The following GREB1L variants were observed in gnomAD, a reference collection of about 807,000 sequenced individuals.
The protein encoded by GREB1L is GREB1 like retinoic acid receptor coactivator.
GREB1L carries 17 observed loss-of-function variants against 200.8 expected under a neutral mutation model. That is an observed-to-expected ratio of 0.08 (90% CI 0.06 to 0.13). The LOEUF (loss-of-function observed/expected upper bound fraction) is 0.13, where lower values mean the gene tolerates loss of function less well. GREB1L is among the 10% of genes least tolerant of loss of function. The pLI, the probability that GREB1L is intolerant of heterozygous loss-of-function variation, is 1.00. For synonymous variants in GREB1L, 789 were observed against 893.0 expected, an observed-to-expected ratio of 0.88 and a Z score of 2.08; for missense variants, 1,657 against 2,367.7, an observed-to-expected ratio of 0.70 and a Z score of 6.23.
rs1415277701 is a variant in GREB1L at position 21,485,701 on chromosome 18, C to T, written c.2638C>T (p.Leu880Phe). 1 of 1,551,568 alleles carries T rather than the reference C, an allele frequency of 6.4e-7. No homozygotes were observed. Among genetic ancestry groups the T allele is most frequent in the Non-Finnish European group, 8.7e-7 (1 of 1,146,896 alleles). The change falls in exon 18 of 33, where the codon CTT becomes TTT. Residue 880 changes from leucine (L) to phenylalanine (F), a missense_variant. Around this residue, in one of 9 missense-constraint regions of GREB1L, gnomAD observed 82 missense variants for 95.9 expected, o/e 0.85. Transcript: ENST00000424526. Reference protein sequence around the residue: ...KSLQWGITSPLLRCDETFEKM... With the variant: ...KSLQWGITSPFLRCDETFEKM... ...TCTGCAGTGGGGGATCACGAGCCCA[C>T]TTCTGAGATGTGACGAGACTTTTGA...
Position 21,503,928 on chromosome 18 carries a change from G to A in GREB1L, c.4073-1484G>A, listed in dbSNP as rs76187999. Among the ~76,000 whole-genome samples, 604 of 151,316 alleles carry A rather than the reference G, an allele frequency of 4.0e-3. 16 individuals carry two copies. The East Asian group carries it at 0.096, about 24-fold the overall frequency. On this transcript the variant is annotated intron_variant, in intron 23 of 32. Transcript: ENST00000424526. ...CCAGCTGTGTGCCTGCAACTGTCTA[G>A]GCACTTTATTTTATTTATTTATTTA...
chr18:21,421,735 AG>A (rs1022204269), intron 7 of GREB1L, among the ~76,000 whole-genome samples: 5 of 152,190 alleles, frequency 3.3e-5, no homozygotes, highest in African/African-American at 1.2e-4. Context: ...ACAGACTGTA[AG>A]GAGGGTTAAT....
At chr18:21,400,286 C>A (rs1324238070) in intron 5 of GREB1L, among the ~76,000 whole-genome samples, 1 of 151,930 alleles carries the variant, frequency 6.6e-6, no homozygotes, top group Non-Finnish European at 1.5e-5. Flanking sequence ...CTGTTCCAAC[C>A]AGGTCACCAA....
At chr18:21,500,329 C>T (rs1056226638) in intron 22 of GREB1L, 23 bp downstream of exon 22, 12 of 1,029,678 alleles carry the variant, frequency 1.2e-5, no homozygotes, top group African/African-American at 4.7e-5. Flanking sequence ...CAGCCGGGGC[C>T]GTTTCTTAGG....
At chr18:21,246,256 A>G (rs754582535) in intron 1 of GREB1L, among the ~76,000 whole-genome samples, 10 of 152,152 alleles carry the variant, frequency 6.6e-5, no homozygotes, top group Non-Finnish European at 1.5e-4. Context: ...GGTTATATTA[A>G]TAGTTCTTTA....
chr18:21,328,978 A>G (rs2039066016), intron 1 of GREB1L, among the ~76,000 whole-genome samples: 1 of 152,166 alleles, frequency 6.6e-6, no homozygotes, highest in Admixed American at 6.5e-5. Flanking sequence ...GGATCCAGTC[A>G]GCATATGTCT....
chr18:21,385,553 A>C (rs2144107086), intron 4 of GREB1L, among the ~76,000 whole-genome samples: 1 of 152,262 alleles, frequency 6.6e-6, no homozygotes, highest in South Asian at 2.1e-4. Flanking sequence ...ATTCCTTATG[A>C]ATTTGTTTAT....
rs1462784198 is a variant in GREB1L, at chr18:21,499,981, G to A, written c.3644G>A (p.Gly1215Glu). 1.3e-6 allele frequency: 2 copies of A among 1,551,402 alleles called. No individual in the cohort carries two copies. The highest frequency in any genetic ancestry group is 2.4e-5 in the East Asian group (1 of 40,910). The change falls in exon 22 of 33, where the codon GGA becomes GAA. Residue 1215 changes from glycine to glutamate, a missense_variant. By Grantham distance (98) the Gly-to-Glu change is moderately conservative. This residue lies in a region of GREB1L where 512 missense variants were observed against 668.3 expected (regional missense o/e 0.77). Transcript: ENST00000424526. ...GGACCCAGGACCCTCCCATGGCCGGGACAGCCCATCAGAGGCTGCCGGGGC... is the reference window on the plus strand; with the variant it reads ...GGACCCAGGACCCTCCCATGGCCGGAACAGCCCATCAGAGGCTGCCGGGGC... ...SSGPRTLPWP[G>E]QPIRGCRGPQ...
chr18:21,354,467 G>A (rs1305228682), intron 1 of GREB1L, among the ~76,000 whole-genome samples: 3 of 152,294 alleles, frequency 2.0e-5, no homozygotes, highest in Non-Finnish European at 4.4e-5. Flanking sequence ...TGCCTCTTAT[G>A]TTGGTGGGTA....
At chr18:21,510,805 A>G (rs937744856) in intron 27 of GREB1L, among the ~76,000 whole-genome samples, 2 of 151,598 alleles carry the variant, frequency 1.3e-5, no homozygotes, top group Admixed American at 6.6e-5. Flanking sequence ...CTTCCCACCA[A>G]CAGTGCACAG....
At position 21,496,564 on chromosome 18, in the gene GREB1L, G is replaced by A. The variant is rs567247138; in HGVS notation, c.3257G>A (p.Arg1086Gln). The A allele has an allele frequency of 4.6e-5, 71 of 1,551,676 alleles. No homozygotes were observed. In the South Asian group the frequency reaches 6.2e-4, roughly 14 times the overall value. The change falls in exon 21 of 33, where the codon CGG becomes CAG. Residue 1086 changes from arginine to glutamine, a missense_variant. Arg to Gln is a conservative substitution (Grantham distance 43, BLOSUM62 1). Around this residue, in one of 9 missense-constraint regions of GREB1L, gnomAD observed 512 missense variants for 668.3 expected, o/e 0.77. Transcript: ENST00000424526. ...ACCYVSKEVI[R>Q]GPTVALDLSG... ...TGCTATGTCTCAAAAGAGGTCATCC[G>A]GGGACCCACTGTTGCCCTGGACCTC...
At chr18:21,254,557 C>T (rs551040161) in intron 1 of GREB1L, among the ~76,000 whole-genome samples, 1 of 152,238 alleles carries the variant, frequency 6.6e-6, no homozygotes, top group Non-Finnish European at 1.5e-5. Context: ...CAGTCTTACA[C>T]TGTCAGCTGC....
chr18:21,336,865 C>T (rs2039193420), intron 1 of GREB1L, among the ~76,000 whole-genome samples: 1 of 152,198 alleles, frequency 6.6e-6, no homozygotes, highest in Non-Finnish European at 1.5e-5. Context: ...ACCCTCCCTA[C>T]CCCGCTCCAG....
At chr18:21,437,581 C>A (rs559752111) in intron 7 of GREB1L, among the ~76,000 whole-genome samples, 4 of 151,132 alleles carry the variant, frequency 2.6e-5, no homozygotes, top group African/African-American at 9.7e-5. Context: ...AAAAAAAAAA[C>A]CTGAATTTGA....
chr18:21,314,544 G>A (rs573158141), intron 1 of GREB1L, among the ~76,000 whole-genome samples: 2 of 152,300 alleles, frequency 1.3e-5, no homozygotes, highest in Admixed American at 1.3e-4. Flanking sequence ...CAGGGCATCT[G>A]ACTTGTGAAA....
At chr18:21,502,843 T>A (rs2036854496) in intron 23 of GREB1L, among the ~76,000 whole-genome samples, 1 of 152,202 alleles carries the variant, frequency 6.6e-6, no homozygotes, top group Non-Finnish European at 1.5e-5. Flanking sequence ...CCTTTGATTT[T>A]TTTCCTCAGA....
chr18:21,250,201 TC>T (rs1288949068), intron 1 of GREB1L, among the ~76,000 whole-genome samples: 1 of 152,096 alleles, frequency 6.6e-6, no homozygotes, highest in Non-Finnish European at 1.5e-5. Context: ...AGAGAGGTAA[TC>T]TAGATCTTTT....
intron 4 of GREB1L, among the ~76,000 whole-genome samples, chr18:21,394,001 G>C (rs1023067677): frequency 3.3e-5 from 5 of 152,212 alleles, no homozygotes; most frequent in Admixed American, 3.3e-4. Context: ...CCTTGGGAAA[G>C]GCAGATACAG....
chr18:21,393,338 C>T (rs113973481), intron 4 of GREB1L, among the ~76,000 whole-genome samples: 2,525 of 152,220 alleles, frequency 0.017, 74 homozygotes, highest in African/African-American at 0.057. Context: ...ACGCTGTTGC[C>T]CAGGCTGGAG....
Sources: gnomAD v4.1 joint callset for allele counts (sites outside exome capture counted in the v4.1 genomes callset) on GRCh38, gnomAD v4.1.1 for gene constraint, gnomAD v4.1.1 regional missense constraint, MANE v1.5 for transcripts, NCBI Gene and HGNC (gene_info 2026-07-23, HGNC 2026-07-21) for gene names.